Variants in COL13A1 observed in about 807,000 individuals in gnomAD.
COL13A1 encodes the protein collagen alpha-1(XIII) chain.
A neutral mutation model predicts 130.9 loss-of-function variants in COL13A1; 89 were observed. That is an observed-to-expected ratio of 0.68 (90% CI 0.57 to 0.81). The LOEUF (loss-of-function observed/expected upper bound fraction) is 0.81, where lower values mean the gene tolerates loss of function less well. Ranked by LOEUF, COL13A1 falls within the 30% of genes least tolerant of loss-of-function variation. The pLI, the probability that COL13A1 is intolerant of heterozygous loss-of-function variation, is 0.00. For missense variants in COL13A1, 879 were observed against 934.6 expected, an observed-to-expected ratio of 0.94 and a Z score of 0.78; for synonymous variants, 402 against 341.6, an observed-to-expected ratio of 1.18 and a Z score of -1.95.
At chr10:69,861,253 G>A (rs1857984632) in intron 2 of COL13A1, among the ~76,000 whole-genome samples, 1 of 152,238 alleles carries the variant, frequency 6.6e-6, no homozygotes, top group Non-Finnish European at 1.5e-5. Context: ...GCTGCCAGGT[G>A]TGAAGTCCAC....
chr10:69,894,470 G>A (rs1358969616), intron 10 of COL13A1, 82 bp from the exon 11 acceptor site: 31 of 1,554,052 alleles, frequency 2.0e-5, no homozygotes, highest in African/African-American at 2.7e-5. Context: ...TCGGGATTCA[G>A]CCCCAATCCC....
chr10:69,929,964 C>T (rs2065889738), intron 28 of COL13A1, 79 bp from the exon 29 acceptor site: 10 of 1,180,602 alleles, frequency 8.5e-6, no homozygotes, highest in East Asian at 4.7e-5. Flanking sequence ...AGTGGGATGC[C>T]GGGTGCACTA....
intron 32 of COL13A1, among the ~76,000 whole-genome samples, chr10:69,936,474 T>A (rs2066933915): frequency 1.3e-5 from 2 of 152,236 alleles, no homozygotes; most frequent in Admixed American, 1.3e-4. Flanking sequence ...TAATGTTTGC[T>A]GTGTTACCTC....
chr10:69,858,115 C>CGAAAAAAAA, intron 2 of COL13A1, among the ~76,000 whole-genome samples: 1 of 80,384 alleles, frequency 1.2e-5, no homozygotes, highest in Non-Finnish European at 2.2e-5. Context: ...GACTCCGTCT[C>CGAAAAAAAA]AAAAAAAAAA....
At chr10:69,836,270 G>A (rs1288689875) in intron 2 of COL13A1, among the ~76,000 whole-genome samples, 1 of 152,184 alleles carries the variant, frequency 6.6e-6, no homozygotes, top group Non-Finnish European at 1.5e-5. Flanking sequence ...GGTGCCCAGT[G>A]TGGGCTACAG....
rs57098368 is a variant in COL13A1 at position 69,804,809 on chromosome 10, C to CAAAAAAA, written c.294+2119_294+2125dup. ...AAATGGGCAGTGACCATGTCGTGTG[C>CAAAAAAA]AAAAAAAAAAAAAAAAAAAAAAAAA... is the stretch of plus-strand genomic sequence containing the variant. On this transcript the variant is annotated intron_variant, in intron 1 of 40. Coordinates refer to ENST00000645393, the MANE Select transcript of COL13A1 (RefSeq NM_001368882.1). Among the ~76,000 whole-genome samples, 550 of 75,292 alleles carry CAAAAAAA rather than the reference C, an allele frequency of 7.3e-3. 31 individuals carry two copies. Among genetic ancestry groups the CAAAAAAA allele is most frequent in the East Asian group, 0.017 (40 of 2,304 alleles). The allele number at this position is 75,292 out of a possible 152,430, so 49.4% of individuals were successfully genotyped here.
At chr10:69,933,847 C>A (rs1290594683) in intron 31 of COL13A1, among the ~76,000 whole-genome samples, 11 of 152,148 alleles carry the variant, frequency 7.2e-5, no homozygotes, top group Admixed American at 7.2e-4. Flanking sequence ...GAGCACTTCC[C>A]TCGTGCCAAG....
chr10:69,812,607 G>A (rs4746005), intron 1 of COL13A1, among the ~76,000 whole-genome samples: 23,850 of 152,224 alleles, frequency 0.16, 1,976 homozygotes, highest in Admixed American at 0.25. Context: ...TTTCCAGGCT[G>A]TGTGCTGTCT....
chr10:69,904,040 T>G lies in COL13A1; in HGVS notation c.859-893T>G, dbSNP rs528167418. ...AATGCTTGACCCCTGAAATGAATTT[T>G]AAATTTTTCCACAATTTCGCCCCAG... On this transcript the variant is annotated intron_variant, in intron 15 of 40. Transcript: ENST00000645393. Among the ~76,000 whole-genome samples the G allele has an allele frequency of 1.4e-3, 213 of 152,328 alleles. 2 individuals are homozygous for G. The highest frequency in any genetic ancestry group is 5.0e-3 in the African/African-American group (207 of 41,568).
intron 2 of COL13A1, among the ~76,000 whole-genome samples, chr10:69,824,625 CA>C (rs1847035037): frequency 6.6e-6 from 1 of 152,116 alleles, no homozygotes; most frequent in South Asian, 2.1e-4. Flanking sequence ...CTCAGAGGGT[CA>C]GGGGAGGAGG....
chr10:69,924,898 C>A, intron 24 of COL13A1, 65 bp from the exon 25 acceptor site: 1 of 1,480,250 alleles, frequency 6.8e-7, no homozygotes, highest in Non-Finnish European at 9.0e-7. Flanking sequence ...CATGGCCCAT[C>A]TAGGGACATC....
At chr10:69,865,552 C>G (rs906914819) in intron 2 of COL13A1, among the ~76,000 whole-genome samples, 2 of 152,200 alleles carry the variant, frequency 1.3e-5, no homozygotes, top group East Asian at 1.9e-4. Context: ...GAGAGAAAGT[C>G]TTCTTTTATA....
At chr10:69,811,268 A>G (rs2132265665) in intron 1 of COL13A1, among the ~76,000 whole-genome samples, 1 of 152,150 alleles carries the variant, frequency 6.6e-6, no homozygotes, top group East Asian at 1.9e-4. Context: ...GCAGCAGGAG[A>G]ACCTTGCTGC....
intron 38 of COL13A1, among the ~76,000 whole-genome samples, chr10:69,951,499 G>T (rs527782357): frequency 6.6e-6 from 1 of 152,096 alleles, no homozygotes; most frequent in East Asian, 1.9e-4. Flanking sequence ...TGAGTAGCTA[G>T]GACTACAGGG....
At chr10:69,907,985 C>T (rs1300923562) in intron 17 of COL13A1, among the ~76,000 whole-genome samples, 1 of 152,230 alleles carries the variant, frequency 6.6e-6, no homozygotes, top group Non-Finnish European at 1.5e-5. Flanking sequence ...CAAACCATAG[C>T]ACTGGAGCTC....
intron 2 of COL13A1, among the ~76,000 whole-genome samples, chr10:69,860,206 G>T (rs1426208786): frequency 6.6e-6 from 1 of 152,224 alleles, no homozygotes; most frequent in South Asian, 2.1e-4. Context: ...AGCTGCCACA[G>T]CCCCCAGCCT....
At chr10:69,844,659 T>A (rs151322586) in intron 2 of COL13A1, among the ~76,000 whole-genome samples, 4 of 152,230 alleles carry the variant, frequency 2.6e-5, no homozygotes, top group African/African-American at 9.6e-5. Context: ...ACAAGAGATA[T>A]CCTTGCTTTT....
chr10:69,863,413 A>T lies in COL13A1; in HGVS notation c.365-4385A>T, dbSNP rs373332832. 3.9e-4 allele frequency among the ~76,000 whole-genome samples: 59 copies of T among 152,220 alleles called. 1 individual carries two copies. The highest frequency in any genetic ancestry group is 3.1e-3 in the East Asian group (16 of 5,168). On this transcript the variant is annotated intron_variant, in intron 2 of 40. Transcript: ENST00000645393. ...CCTGGCAGAGATGGGTGGGTCGGGC[A>T]TGTGGCAGAGCTGGTGGCAGGTGGT...
At chr10:69,886,319 T>C (rs573372724) in intron 7 of COL13A1, among the ~76,000 whole-genome samples, 1 of 152,302 alleles carries the variant, frequency 6.6e-6, no homozygotes, top group African/African-American at 2.4e-5. Flanking sequence ...CTCTATTCTA[T>C]AGATGAGGAA....
Sources: gnomAD v4.1 joint callset for allele counts (sites outside exome capture counted in the v4.1 genomes callset) on GRCh38, gnomAD v4.1.1 for gene constraint, MANE v1.5 for transcripts, NCBI Gene and HGNC (gene_info 2026-07-23, HGNC 2026-07-21) for gene names.